Variants in SCHIP1 observed in about 807,000 individuals in gnomAD.
SCHIP1 encodes schwannomin interacting protein 1.
A neutral mutation model predicts 29.7 loss-of-function variants in SCHIP1; 8 were observed. That is an observed-to-expected ratio of 0.27 (90% CI 0.16 to 0.49). The LOEUF is 0.49. SCHIP1 is among the 20% of genes least tolerant of loss of function. The pLI is 0.99. For missense variants in SCHIP1, 193 were observed against 294.6 expected (o/e 0.66, Z 2.52); for synonymous variants, 76 against 94.9 (o/e 0.80, Z 1.16).
At chr3:159,601,322 C>G in the SCHIP1 span, among the ~76,000 whole-genome samples, 2 of 152,160 alleles carry the variant, frequency 1.3e-5, no homozygotes, top group Non-Finnish European at 2.9e-5. Context: ...ACAACCCCCC[C>G]ATACACTATT....
At chr3:159,483,272 A>T in the SCHIP1 span, among the ~76,000 whole-genome samples, 3 of 152,162 alleles carry the variant, frequency 2.0e-5, no homozygotes, top group Non-Finnish European at 4.4e-5. Context: ...GCTTGACATA[A>T]TGATTTCATT....
chr3:159,394,705 G>C, the SCHIP1 span, among the ~76,000 whole-genome samples: 1 of 152,160 alleles, frequency 6.6e-6, no homozygotes, highest in Non-Finnish European at 1.5e-5. Context: ...TGTGCTGCTG[G>C]ATTGGTTTTG....
the SCHIP1 span, among the ~76,000 whole-genome samples, chr3:159,538,964 C>A: frequency 6.6e-6 from 1 of 152,130 alleles, no homozygotes; most frequent in African/African-American, 2.4e-5. Context: ...CAGATAAGAG[C>A]CTCTGCCTGC....
At chr3:159,668,376 C>CAAAAAAAAAAA in the SCHIP1 span, among the ~76,000 whole-genome samples, 36 of 46,398 alleles carry the variant, frequency 7.8e-4, no homozygotes, top group Middle Eastern at 9.4e-3. Flanking sequence ...GACTCCGTCT[C>CAAAAAAAAAAA]AAAAAAAAAA....
At chr3:159,369,124 G>A in the SCHIP1 span, among the ~76,000 whole-genome samples, 1 of 152,134 alleles carries the variant, frequency 6.6e-6, no homozygotes. Context: ...AAGACAGAGA[G>A]CCTTTTTCTC....
the SCHIP1 span, among the ~76,000 whole-genome samples, chr3:159,405,485 T>A: frequency 6.6e-6 from 1 of 152,164 alleles, no homozygotes; most frequent in African/African-American, 2.4e-5. Context: ...ATTCTGGAGT[T>A]GAAAAATACA....
At chr3:159,783,724 A>T in the SCHIP1 span, among the ~76,000 whole-genome samples, 35 of 152,170 alleles carry the variant, frequency 2.3e-4, no homozygotes, top group Non-Finnish European at 4.4e-4. Context: ...TAAACTTCTA[A>T]GGCTCCAGGA....
At chr3:159,717,996 A>G in the SCHIP1 span, among the ~76,000 whole-genome samples, 24 of 152,350 alleles carry the variant, frequency 1.6e-4, no homozygotes, top group South Asian at 8.3e-4. Flanking sequence ...ATACTGGCGA[A>G]CCAAATCCAG....
chr3:159,731,482 T>C, the SCHIP1 span, among the ~76,000 whole-genome samples: 1 of 152,210 alleles, frequency 6.6e-6, no homozygotes, highest in Non-Finnish European at 1.5e-5. Flanking sequence ...GGGCCTCCAC[T>C]GAGGACTGTG....
At chr3:159,557,470 C>A in the SCHIP1 span, among the ~76,000 whole-genome samples, 2 of 152,072 alleles carry the variant, frequency 1.3e-5, no homozygotes, top group Admixed American at 1.3e-4. Context: ...TTGGCTCATT[C>A]GGAAAACAAT....
the SCHIP1 span, among the ~76,000 whole-genome samples, chr3:159,300,270 C>A: frequency 1.3e-5 from 2 of 151,624 alleles, no homozygotes; most frequent in Non-Finnish European, 2.9e-5. Flanking sequence ...GGACTACAGG[C>A]AAGTACCACC....
At chr3:159,463,899 C>T in the SCHIP1 span, among the ~76,000 whole-genome samples, 5 of 152,114 alleles carry the variant, frequency 3.3e-5, no homozygotes, top group South Asian at 2.1e-4. Context: ...TGATCATGCT[C>T]AATGTATTTG....
chr3:159,726,808 C>T, the SCHIP1 span, among the ~76,000 whole-genome samples: 1 of 152,242 alleles, frequency 6.6e-6, no homozygotes, highest in Admixed American at 6.5e-5. Flanking sequence ...CAGGTGCAAA[C>T]CTTTACAGAG....
the SCHIP1 span, among the ~76,000 whole-genome samples, chr3:159,417,890 T>C: frequency 1.3e-5 from 2 of 152,172 alleles, no homozygotes; most frequent in Non-Finnish European, 2.9e-5. Context: ...ATGAGGCACA[T>C]GGAGCAGAGC....
the SCHIP1 span, among the ~76,000 whole-genome samples, chr3:159,407,293 A>C: frequency 1.3e-5 from 2 of 152,336 alleles, no homozygotes; most frequent in African/African-American, 4.8e-5. Context: ...GGGACAAAAA[A>C]TGTCGTTATA....
At chr3:159,726,230 A>G in the SCHIP1 span, among the ~76,000 whole-genome samples, 2 of 152,220 alleles carry the variant, frequency 1.3e-5, no homozygotes, top group Non-Finnish European at 2.9e-5. Context: ...TTAAAAGCTA[A>G]CAAAAAAAAT....
At chr3:159,350,312 A>G in the SCHIP1 span, among the ~76,000 whole-genome samples, 1 of 152,154 alleles carries the variant, frequency 6.6e-6, no homozygotes, top group Non-Finnish European at 1.5e-5. Context: ...AATATCTCAT[A>G]TGGCATAGGC....
chr3:159,569,935 T>C, the SCHIP1 span, among the ~76,000 whole-genome samples: 1 of 152,218 alleles, frequency 6.6e-6, no homozygotes, highest in African/African-American at 2.4e-5. Flanking sequence ...TGAGCATTTT[T>C]TTCATGTGTC....
the SCHIP1 span, among the ~76,000 whole-genome samples, chr3:159,367,167 C>T: frequency 4.6e-5 from 7 of 152,202 alleles, no homozygotes; most frequent in East Asian, 1.9e-4. Flanking sequence ...CCAAGGCGGG[C>T]GGATCACTTG....
Sources: gnomAD v4.1 joint callset for allele counts (sites outside exome capture counted in the v4.1 genomes callset) on GRCh38, gnomAD v4.1.1 for gene constraint, MANE v1.5 for transcripts, NCBI Gene and HGNC (gene_info 2026-07-23, HGNC 2026-07-21) for gene names.